SASH1: variants seen among roughly 807,000 people sequenced by gnomAD.
SASH1 encodes SAM and SH3 domain containing 1.
Under a neutral mutation model 125.2 loss-of-function variants are expected in SASH1, and 44 were observed. That is an observed-to-expected ratio of 0.35 (90% confidence interval 0.28 to 0.45). The LOEUF is 0.45. Among genes scored for constraint, SASH1 ranks in the 20% least tolerant of loss-of-function variants. The pLI, the probability that SASH1 is intolerant of heterozygous loss-of-function variation, is 1.00. For missense variants in SASH1, 1,426 were observed against 1,614.5 expected (o/e 0.88, Z 2.00); for synonymous variants, 639 against 649.1 (o/e 0.98, Z 0.24).
intron 10 of SASH1, among the ~76,000 whole-genome samples, chr6:148,522,566 T>G (rs897268124): frequency 2.6e-5 from 4 of 152,238 alleles, no homozygotes; most frequent in African/African-American, 9.6e-5. Flanking sequence ...CGTATTTTAT[T>G]TGGTCATTCA....
rs1187789916 is a variant in SASH1, at chr6:148,550,406, A to G, written c.*1848A>G. ...GATTTCATAAATTAATTAGAAAGCCATCTTTAGCATATTGCTTATGTCTGG... is the reference window on the plus strand; with the variant it reads ...GATTTCATAAATTAATTAGAAAGCCGTCTTTAGCATATTGCTTATGTCTGG... On this transcript the variant is annotated 3_prime_UTR_variant, in exon 20 of 20. Coordinates refer to ENST00000367467, the MANE Select transcript of SASH1 (RefSeq NM_015278.5). The G allele has an allele frequency of 1.3e-5, 2 of 152,254 alleles. No homozygotes were observed. The highest frequency in any genetic ancestry group is 2.9e-5 in the Non-Finnish European group (2 of 68,040). 9.4% of individuals were successfully genotyped at this position (152,254 alleles called of 1,614,324 possible).
chr6:148,310,204 C>T (rs1285320520), intron 1 of SASH1, among the ~76,000 whole-genome samples: 23 of 152,010 alleles, frequency 1.5e-4, no homozygotes, highest in Non-Finnish European at 3.2e-4. Flanking sequence ...TGCCTGTAGT[C>T]CCAGCTACTT....
In SASH1 at chr6:148,533,100, G is replaced by GGTCT; in HGVS notation, c.1734+135_1734+138dup. On this transcript the variant is annotated intron_variant, in intron 14 of 19. Transcript: ENST00000367467. This position sits in a 1 kb window ranked among gnomAD's most constrained non-coding sequence, Gnocchi z 6.2. ...CAGTATCTTGGCTACCTCGATCACTGGTCTCCTCTGTAGTGAAAAACAGAA... is the reference window on the plus strand; with the variant it reads ...CAGTATCTTGGCTACCTCGATCACTGGTCTGTCTCCTCTGTAGTGAAAAACAGAA... 1 of 961,022 alleles carries GGTCT rather than the reference G, an allele frequency of 1.0e-6. No individual in the cohort carries two copies. 59.5% of individuals were successfully genotyped at this position (961,022 alleles called of 1,614,324 possible). A position where few individuals can be genotyped will look rare whatever the true frequency, so the allele number is the denominator to read the frequency against.
chr6:148,544,043 C>G lies in SASH1; in HGVS notation c.2573C>G (p.Thr858Arg). ...GAGCAAGACGTGCCTACCGAGGTGA[C>G]AGAACCGCCCCCTCAGATTGTACCT... ...GAEQDVPTEVTEPPPQIVPEV... is the reference protein window; with the variant it reads ...GAEQDVPTEVREPPPQIVPEV... The change falls in exon 18 of 20, where the codon ACA (threonine) becomes AGA (arginine). Residue 858 changes from threonine (T) to arginine (R), a missense_variant. By Grantham distance (71) the Thr-to-Arg change is moderately conservative. Transcript: ENST00000367467. This position sits in a 1 kb window ranked among gnomAD's most constrained non-coding sequence, Gnocchi z 6.4. The G allele has an allele frequency of 2.5e-6, 4 of 1,614,126 alleles. No homozygotes were observed. Among genetic ancestry groups the G allele is most frequent in the Non-Finnish European group, 3.4e-6 (4 of 1,180,036 alleles).
intron 8 of SASH1, among the ~76,000 whole-genome samples, chr6:148,491,712 C>T (rs1779118578): frequency 6.6e-6 from 1 of 152,152 alleles, no homozygotes; most frequent in African/African-American, 2.4e-5. Context: ...CTCCCAATTT[C>T]CTGAATCAAG....
chr6:148,506,572 C>T (rs1305783786), intron 8 of SASH1, among the ~76,000 whole-genome samples: 1 of 152,104 alleles, frequency 6.6e-6, no homozygotes, highest in Non-Finnish European at 1.5e-5. Flanking sequence ...ACAACCACAA[C>T]GTAAGAAAAG....
intron 8 of SASH1, among the ~76,000 whole-genome samples, chr6:148,494,237 T>C (rs1244338870): frequency 6.6e-6 from 1 of 152,168 alleles, no homozygotes; most frequent in African/African-American, 2.4e-5. Flanking sequence ...TTTTTAAGAA[T>C]ATATATAATG....
At chr6:148,520,194 C>G (rs1405332980) in intron 10 of SASH1, 3 of 336,368 alleles carry the variant, frequency 8.9e-6, no homozygotes, top group African/African-American at 6.3e-5. Flanking sequence ...CGTGGTGGAG[C>G]GGAGCCTGTA....
chr6:148,516,347 A>G (rs1780436762), intron 9 of SASH1, among the ~76,000 whole-genome samples: 1 of 151,964 alleles, frequency 6.6e-6, no homozygotes, highest in East Asian at 1.9e-4. Flanking sequence ...GCTGCCCTCC[A>G]ATTCCCTGCT....
intron 7 of SASH1, among the ~76,000 whole-genome samples, chr6:148,475,351 G>A (rs1737668): frequency 0.64 from 97,989 of 152,004 alleles, 31,941 homozygotes; most frequent in East Asian, 0.75. Context: ...CTGGAGGCTG[G>A]GAAATCTAAT....
the SASH1 span, among the ~76,000 whole-genome samples, chr6:148,260,907 C>G: frequency 2.7e-5 from 4 of 147,988 alleles, no homozygotes; most frequent in Admixed American, 2.8e-4. Context: ...TGGGTTCGAG[C>G]GATTCTCCTG....
the SASH1 span, among the ~76,000 whole-genome samples, chr6:148,253,311 T>C: frequency 6.6e-6 from 1 of 152,114 alleles, no homozygotes; most frequent in African/African-American, 2.4e-5. Flanking sequence ...GCCAAAACAA[T>C]TCAACTGGGA....
intron 1 of SASH1, among the ~76,000 whole-genome samples, chr6:148,361,968 C>A (rs549583125): frequency 1.4e-5 from 2 of 142,312 alleles, no homozygotes; most frequent in Admixed American, 7.4e-5. Context: ...GGCTGGAGTG[C>A]AGTGGCGCGA....
rs559022714 is a variant in SASH1 at position 148,318,742 on chromosome 6, G to T, written n.74+46365G>T. Among the ~76,000 whole-genome samples, 19 of 151,938 alleles carry T rather than the reference G, an allele frequency of 1.3e-4. 1 individual carries two copies. Among genetic ancestry groups the T allele is most frequent in the African/African-American group, 4.3e-4 (18 of 41,454 alleles). On this transcript the variant is annotated intron_variant and non_coding_transcript_variant, in intron 1 of 3. Transcript: ENST00000367469. The stretch of plus-strand genomic sequence containing the variant: ...TAATTTTTATACTTTTAATAGAGAC[G>T]GGGTTTCACCACGTTGACCAGGATG...
intron 19 of SASH1, among the ~76,000 whole-genome samples, 191 bp from the exon 20 acceptor site, chr6:148,548,103 TC>T (rs1363833183): frequency 7.2e-5 from 11 of 152,250 alleles, no homozygotes; most frequent in Non-Finnish European, 1.2e-4. Context: ...GTGGAACTCT[TC>T]CTTAAAGATT....
At chr6:148,417,414 G>T in intron 2 of SASH1, among the ~76,000 whole-genome samples, 1 of 152,078 alleles carries the variant, frequency 6.6e-6, no homozygotes, top group Non-Finnish European at 1.5e-5. Flanking sequence ...GTGAAACCCC[G>T]TGGCTACTAA....
chr6:148,211,374 C>T, the SASH1 span, among the ~76,000 whole-genome samples: 1 of 152,130 alleles, frequency 6.6e-6, no homozygotes, highest in Non-Finnish European at 1.5e-5. Context: ...AGTTCAAGAC[C>T]AGCCTGGCCA....
chr6:148,219,220 A>C, the SASH1 span, among the ~76,000 whole-genome samples: 2 of 152,090 alleles, frequency 1.3e-5, no homozygotes, highest in Non-Finnish European at 2.9e-5. Flanking sequence ...CCTACATCTA[A>C]TTGATTCTCT....
chr6:148,453,847 C>T (rs1777216137), intron 4 of SASH1, among the ~76,000 whole-genome samples: 1 of 152,060 alleles, frequency 6.6e-6, no homozygotes, highest in African/African-American at 2.4e-5. Context: ...TGCTGAGGGC[C>T]CTGTATTTTG....
Sources: gnomAD v4.1 joint callset for allele counts (sites outside exome capture counted in the v4.1 genomes callset) on GRCh38, gnomAD v4.1.1 for gene constraint, Gnocchi (gnomAD v3.1) non-coding constraint, MANE v1.5 for transcripts, NCBI Gene and HGNC (gene_info 2026-07-23, HGNC 2026-07-21) for gene names.